Variants in RPRD2 observed in about 807,000 individuals in gnomAD.
RPRD2 encodes the protein regulation of nuclear pre-mRNA domain-containing protein 2.
RPRD2 carries 12 observed loss-of-function variants against 104.4 expected under a neutral mutation model. The ratio of observed to expected loss-of-function variants is 0.11; its 90% CI spans 0.07 to 0.19. The LOEUF (loss-of-function observed/expected upper bound fraction) is 0.19, where lower values mean the gene tolerates loss of function less well. Among genes scored for constraint, RPRD2 ranks in the 10% least tolerant of loss-of-function variants. The probability of loss-of-function intolerance (pLI) is 1.00; values close to 1 mark genes in which losing one functional copy is unlikely to be tolerated. For missense variants in RPRD2, 1,543 were observed against 1,790.1 expected, an observed-to-expected ratio of 0.86 and a Z score of 2.49; for synonymous variants, 714 against 684.9, an observed-to-expected ratio of 1.04 and a Z score of -0.66.
Position 150,473,905 on chromosome 1 carries a change from G to C in RPRD2, c.*571G>C, listed in dbSNP as rs1560234830. The C allele has an allele frequency of 1.3e-5, 2 of 152,174 alleles. No homozygotes were observed. The highest frequency in any genetic ancestry group is 4.8e-5 in the African/African-American group (2 of 41,514). 9.4% of individuals were successfully genotyped at this position (152,174 alleles called of 1,614,324 possible). On this transcript the variant is annotated 3_prime_UTR_variant, in exon 11 of 11. Coordinates refer to ENST00000369068, the MANE Select transcript of RPRD2 (RefSeq NM_015203.5). ...ATGTGAGAGACCTTGAACCTGTCAG[G>C]TTTATTTGTTTTGTTTTTAAAGGCA... is the stretch of plus-strand genomic sequence containing the variant.
In RPRD2 at chr1:150,476,063, G is replaced by T. The variant is rs1668876055; in HGVS notation, c.*2729G>T. On this transcript the variant is annotated 3_prime_UTR_variant, in exon 11 of 11. Transcript: ENST00000369068. ...CAGAAATAGGGTCCTTAAGTATTTT[G>T]AAAGAGTTTACTCTTCAGTCAGCTT... The T allele has an allele frequency of 6.6e-6, 1 of 152,124 alleles. No homozygotes were observed. Among genetic ancestry groups the T allele is most frequent in the Admixed American group, 6.6e-5 (1 of 15,262 alleles). The allele number at this position is 152,124 out of a possible 1,614,324, so 9.4% of individuals were successfully genotyped here.
At chr1:150,370,601 T>A (rs1660230145) in intron 1 of RPRD2, among the ~76,000 whole-genome samples, 1 of 144,254 alleles carries the variant, frequency 6.9e-6, no homozygotes, top group African/African-American at 2.6e-5. Context: ...TTGAGACATA[T>A]TCTTGTTCTG....
intron 9 of RPRD2, among the ~76,000 whole-genome samples, chr1:150,462,462 CA>C (rs147070994): frequency 4.8e-5 from 7 of 147,362 alleles, no homozygotes; most frequent in East Asian, 2.0e-4. Context: ...AAACAAAAAA[CA>C]AAAAAAAAAC....
rs756115260 is a variant in RPRD2 at position 150,471,584 on chromosome 1, G to C, written c.2636G>C (p.Arg879Thr). ...YQPILSSYSH[R>T]AQEFGVKSAF... is the part of the protein sequence containing the mutation. ...CCAATTCTGTCCAGTTATAGCCACA[G>C]AGCCCAAGAATTTGGGGTAAAGTCT... Residue 879 changes from arginine to threonine, a missense_variant, in exon 11 of 11, where the codon AGA becomes ACA. This residue lies in a region of RPRD2 where 880 missense variants were observed against 885.6 expected (regional missense o/e 0.99). Transcript: ENST00000369068. This position sits in a 1 kb window ranked among gnomAD's most constrained non-coding sequence, Gnocchi z 5.3. The C allele has an allele frequency of 6.2e-7, 1 of 1,613,780 alleles. No individual in the cohort carries two copies. The highest frequency in any genetic ancestry group is 1.1e-5 in the South Asian group (1 of 91,068).
chr1:150,442,492 GA>G (rs1553894674), intron 4 of RPRD2, among the ~76,000 whole-genome samples: 1 of 152,158 alleles, frequency 6.6e-6, no homozygotes, highest in Non-Finnish European at 1.5e-5. Flanking sequence ...CAAGGGAATG[GA>G]ATACTGCATG....
intron 1 of RPRD2, among the ~76,000 whole-genome samples, chr1:150,365,472 G>A (rs899905612): frequency 6.6e-6 from 1 of 152,200 alleles, no homozygotes. Flanking sequence ...GCACCACCGG[G>A]TTTTCCCTGT....
At chr1:150,465,153 CCT>C (rs1553899656) in intron 10 of RPRD2, among the ~76,000 whole-genome samples, 1 of 151,464 alleles carries the variant, frequency 6.6e-6, no homozygotes, top group Non-Finnish European at 1.5e-5. Flanking sequence ...TGGTCATTAT[CCT>C]TTTTTTTATT....
At chr1:150,380,128 T>A (rs1553880477) in intron 1 of RPRD2, among the ~76,000 whole-genome samples, 1 of 152,212 alleles carries the variant, frequency 6.6e-6, no homozygotes, top group East Asian at 1.9e-4. Context: ...TATACTACAT[T>A]TATAGCATCA....
intron 9 of RPRD2, among the ~76,000 whole-genome samples, chr1:150,460,936 G>C (rs2102414147): frequency 6.6e-6 from 1 of 150,760 alleles, no homozygotes; most frequent in Admixed American, 6.6e-5. Context: ...TGTTGGTCAG[G>C]CTGGTCTCAA....
At chr1:150,432,660 A>T (rs1665689793) in intron 2 of RPRD2, among the ~76,000 whole-genome samples, 2 of 150,094 alleles carry the variant, frequency 1.3e-5, no homozygotes, top group Admixed American at 6.6e-5. Flanking sequence ...AAAAAAGATC[A>T]GTATAAAAGG....
chr1:150,392,056 C>T (rs1407119330), intron 1 of RPRD2, among the ~76,000 whole-genome samples: 1 of 151,526 alleles, frequency 6.6e-6, no homozygotes, highest in Non-Finnish European at 1.5e-5. Context: ...AAAAATTAGC[C>T]AGGCATGGTG....
chr1:150,441,693 G>T (rs117050206), intron 3 of RPRD2, 188 bp from the exon 4 acceptor site: 2 of 446,500 alleles, frequency 4.5e-6, no homozygotes, highest in Admixed American at 4.1e-5. Flanking sequence ...GATAAAAATC[G>T]TGTTTATTTG....
At position 150,472,045 on chromosome 1, in the gene RPRD2, G is replaced by T; in HGVS notation, c.3097G>T (p.Gly1033Cys). The change falls in exon 11 of 11, where the codon GGC (glycine) becomes TGC (cysteine). Residue 1033 changes from glycine (G) to cysteine (C), a missense_variant. Transcript: ENST00000369068. Reference protein sequence around the residue: ...DKHFGQAPSKGTPSDGVSLSN... With the variant: ...DKHFGQAPSKCTPSDGVSLSN... ...GCATTTTGGCCAGGCTCCCAGCAAG[G>T]GCACTCCAAGTGATGGTGTCAGTCT... 1 of 1,613,766 alleles carries T rather than the reference G, an allele frequency of 6.2e-7. No individual in the cohort carries two copies. The highest frequency in any genetic ancestry group is 8.5e-7 in the Non-Finnish European group (1 of 1,179,860).
At chr1:150,436,351 C>G (rs1199316232) in intron 2 of RPRD2, among the ~76,000 whole-genome samples, 1 of 152,162 alleles carries the variant, frequency 6.6e-6, no homozygotes, top group African/African-American at 2.4e-5. Flanking sequence ...CCTGTAATCC[C>G]AGCACTTTGG....
Position 150,473,500 on chromosome 1 carries a change from T to C in RPRD2, c.*166T>C, listed in dbSNP as rs1668735445. The C allele has an allele frequency of 4.5e-6, 2 of 449,012 alleles. No homozygotes were observed. The highest frequency in any genetic ancestry group is 4.3e-5 in the African/African-American group (2 of 46,802). The allele number at this position is 449,012 out of a possible 1,614,324, so 27.8% of individuals were successfully genotyped here. ...AATCACATACGCTTACGTTTTACTATTCAATTCAATCCTCCCTCCCATTGC... is the reference window on the plus strand; with the variant it reads ...AATCACATACGCTTACGTTTTACTACTCAATTCAATCCTCCCTCCCATTGC... On this transcript the variant is annotated 3_prime_UTR_variant, in exon 11 of 11. Transcript: ENST00000369068.
At chr1:150,373,758 C>T (rs1660502304) in intron 1 of RPRD2, among the ~76,000 whole-genome samples, 1 of 151,876 alleles carries the variant, frequency 6.6e-6, no homozygotes, top group Non-Finnish European at 1.5e-5. Context: ...TTAGTATATT[C>T]ATAGAGTTGT....
chr1:150,445,295 G>A (rs1403898773), intron 6 of RPRD2, among the ~76,000 whole-genome samples: 1 of 152,172 alleles, frequency 6.6e-6, no homozygotes, highest in Non-Finnish European at 1.5e-5. Context: ...GGTCTTGTAA[G>A]GAGATTAGTA....
Position 150,444,305 on chromosome 1 carries a change from G to C in RPRD2, c.622G>C (p.Glu208Gln), listed in dbSNP as rs1311574728. The part of the protein sequence containing the change: ...LLYKRSEDQI[E>Q]LKEKQLSTMR... ...ATACAAGCGCTCAGAAGATCAGATA[G>C]AACTGAAGGAAAAGCAGTTGTCAAC... The change falls in exon 6 of 11, where the codon GAA becomes CAA. Residue 208 changes from glutamate (E) to glutamine (Q), a missense_variant. Physicochemically the swap from Glu to Gln is conservative, Grantham distance 29. Coordinates refer to ENST00000369068, the MANE Select transcript of RPRD2 (RefSeq NM_015203.5). The C allele has an allele frequency of 1.4e-5, 23 of 1,613,764 alleles. No homozygotes were observed. The highest frequency in any genetic ancestry group is 1.9e-5 in the Non-Finnish European group (23 of 1,179,696).
chr1:150,431,378 A>G (rs1553891661), intron 2 of RPRD2, among the ~76,000 whole-genome samples: 1 of 151,988 alleles, frequency 6.6e-6, no homozygotes, highest in East Asian at 1.9e-4. Context: ...ACAGTAGTCA[A>G]AAGGAAGAAC....
Sources: gnomAD v4.1 joint callset for allele counts (sites outside exome capture counted in the v4.1 genomes callset) on GRCh38, gnomAD v4.1.1 for gene constraint, gnomAD v4.1.1 regional missense constraint, Gnocchi (gnomAD v3.1) non-coding constraint, MANE v1.5 for transcripts, NCBI Gene and HGNC (gene_info 2026-07-23, HGNC 2026-07-21) for gene names.